MICA: variants seen among roughly 807,000 people sequenced by gnomAD.
MICA encodes the protein HLA class I antigen.
In MICA, 18 loss-of-function variants were observed where a neutral mutation model predicts 34.3. The ratio of observed to expected loss-of-function variants is 0.52; its 90% CI spans 0.36 to 0.78. The LOEUF is 0.78. Among genes scored for constraint, MICA ranks in the 30% least tolerant of loss-of-function variants. The probability of loss-of-function intolerance (pLI) is 0.00; values close to 1 mark genes in which losing one functional copy is unlikely to be tolerated. For missense variants in MICA, 333 were observed against 409.4 expected, an observed-to-expected ratio of 0.81 and a Z score of 1.61; for synonymous variants, 135 against 156.9, an observed-to-expected ratio of 0.86 and a Z score of 1.04.
chr6:31,409,385 G>A (rs1281084390), intron 1 of MICA, among the ~76,000 whole-genome samples: 1 of 150,540 alleles, frequency 6.6e-6, no homozygotes, highest in African/African-American at 2.4e-5. Flanking sequence ...ATCTCATTGT[G>A]GTTTGGATTT....
In MICA at chr6:31,403,732, G is replaced by C; in HGVS notation, c.70+30G>C. 2 of 1,524,906 alleles carry C rather than the reference G, an allele frequency of 1.3e-6. No individual in the cohort carries two copies. Among genetic ancestry groups the C allele is most frequent in the Non-Finnish European group, 1.8e-6 (2 of 1,138,830 alleles). 94.5% of individuals were successfully genotyped at this position (1,524,906 alleles called of 1,614,324 possible). A position where few individuals can be genotyped will look rare whatever the true frequency, so the allele number is the denominator to read the frequency against. The stretch of plus-strand genomic sequence containing the variant: ...GTGGCGTTCCTGGCGGTCCTCGGCG[G>C]AGCGGGAGCAGTGGGACGTTTCCGG... On this transcript the variant is annotated intron_variant, in intron 1 of 5. Coordinates refer to ENST00000449934, the MANE Select transcript of MICA (RefSeq NM_001177519.3). This position sits in a 1 kb window ranked among gnomAD's most constrained non-coding sequence, Gnocchi z 4.7.
chr6:31,413,341 A>G (rs779862075), intron 5 of MICA, among the ~76,000 whole-genome samples: 4 of 151,710 alleles, frequency 2.6e-5, no homozygotes, highest in Non-Finnish European at 5.9e-5. Context: ...CTCAGGGCCC[A>G]TGTTTTTGGG....
chr6:31,407,035 G>A (rs548593912), intron 1 of MICA, among the ~76,000 whole-genome samples: 1 of 151,644 alleles, frequency 6.6e-6, no homozygotes, highest in African/African-American at 2.4e-5. Context: ...ATCTATTCTG[G>A]TTTTTTTGTG....
intron 1 of MICA, among the ~76,000 whole-genome samples, chr6:31,405,989 G>A (rs1770727427): frequency 6.6e-6 from 1 of 151,874 alleles, no homozygotes. Context: ...ACTTTGAATA[G>A]TGCTGCAATA....
intron 1 of MICA, among the ~76,000 whole-genome samples, 189 bp from the exon 2 acceptor site, chr6:31,410,354 C>G (rs1223896817): frequency 6.6e-6 from 1 of 151,790 alleles, no homozygotes; most frequent in Non-Finnish European, 1.5e-5. Context: ...CCCCCTTCTT[C>G]TGTTCATCAG....
chr6:31,413,174 C>G (rs944554671), intron 5 of MICA, among the ~76,000 whole-genome samples: 7 of 151,934 alleles, frequency 4.6e-5, no homozygotes, highest in African/African-American at 1.7e-4. Context: ...ACGGCCTGGC[C>G]TCCCTGAGTT....
intron 2 of MICA, 115 bp from the exon 3 acceptor site, chr6:31,410,957 C>A: frequency 2.0e-6 from 3 of 1,471,092 alleles, no homozygotes; most frequent in Non-Finnish European, 2.7e-6. Flanking sequence ...GCACTCAGCC[C>A]ACACAGGGAG....
upstream of MICA, chr6:31,402,233 A>G (rs2113713633): frequency 6.6e-6 from 1 of 152,164 alleles, no homozygotes; most frequent in South Asian, 2.1e-4. Flanking sequence ...AGTTGTAAAC[A>G]CTGCACTCAG....
At chr6:31,413,393 G>T (rs986441171) in intron 5 of MICA, among the ~76,000 whole-genome samples, 2 of 151,912 alleles carry the variant, frequency 1.3e-5, no homozygotes, top group Non-Finnish European at 2.9e-5. Context: ...CCCTCCCTGA[G>T]CCAATTTCCC....
upstream of MICA, chr6:31,403,587 C>T (rs1770564235): frequency 2.1e-6 from 3 of 1,440,408 alleles, no homozygotes; most frequent in African/African-American, 1.5e-5. This position sits in a 1 kb window ranked among gnomAD's most constrained non-coding sequence, Gnocchi z 4.7. Context: ...GGCGCCTTCT[C>T]CCCGGCCACT....
In MICA at chr6:31,415,254, ATTG is replaced by A; in HGVS notation, c.*279_*281del. ...ACAGAGAAAATAAAAGCACTTATTTATTGTTGTTGGAGGCTGCAAAATGTTAGT... is the reference window on the plus strand; with the variant it reads ...ACAGAGAAAATAAAAGCACTTATTTATTGTTGGAGGCTGCAAAATGTTAGT... On this transcript the variant is annotated 3_prime_UTR_variant, in exon 6 of 6. Coordinates refer to ENST00000449934, the MANE Select transcript of MICA (RefSeq NM_001177519.3). 1.8e-6 allele frequency: 1 copy of A among 560,298 alleles called. No individual in the cohort carries two copies. The allele number at this position is 560,298 out of a possible 1,614,324, so 34.7% of individuals were successfully genotyped here.
At chr6:31,403,560 G>C, upstream of MICA, 1 of 1,283,052 alleles carries the variant, frequency 7.8e-7, no homozygotes, top group South Asian at 1.5e-5. This position sits in a 1 kb window ranked among gnomAD's most constrained non-coding sequence, Gnocchi z 4.7. Flanking sequence ...GACCGGGCCA[G>C]GTGACTAAGT....
upstream of MICA, among the ~76,000 whole-genome samples, chr6:31,402,611 A>G (rs1363968494): frequency 6.6e-6 from 1 of 151,790 alleles, no homozygotes; most frequent in Non-Finnish European, 1.5e-5. Context: ...CTAGACTAAG[A>G]TTGTGGCTGT....
At chr6:31,405,391 C>G (rs1272824101) in intron 1 of MICA, among the ~76,000 whole-genome samples, 1 of 150,968 alleles carries the variant, frequency 6.6e-6, no homozygotes, top group African/African-American at 2.5e-5. Context: ...TGGCCAGCAC[C>G]CCCACCCCTT....
chr6:31,411,208 G>A lies in MICA; in HGVS notation c.462G>A (p.Gln154=). ...AGACTGAGGAATGGACAGTGCCCCA[G>A]TCCTCCAGAGCTCAGACCTTGGCCA... ...NLETEEWTVP[Q]SSRAQTLAMN... Residue 154 remains glutamine (Q), a synonymous_variant, in exon 3 of 6, where the codon CAG becomes CAA. Coordinates refer to ENST00000449934, the MANE Select transcript of MICA (RefSeq NM_001177519.3). The surrounding 1 kb of genome is among the most constrained non-coding windows in gnomAD (Gnocchi z 4.3). 6.2e-7 allele frequency: 1 copy of A among 1,613,438 alleles called. No homozygotes were observed. The highest frequency in any genetic ancestry group is 8.5e-7 in the Non-Finnish European group (1 of 1,179,988).
At position 31,411,387 on chromosome 6, in the gene MICA, C is replaced by A; in HGVS notation, c.613+28C>A. On this transcript the variant is annotated intron_variant, in intron 3 of 5. Transcript: ENST00000449934. This position sits in a 1 kb window ranked among gnomAD's most constrained non-coding sequence, Gnocchi z 4.3. ...ACCGACGCTGGCCAGGGGCTCTCCTCTCCCTCCAATTCTGCTAGAGTTGCC... is the reference window on the plus strand; with the variant it reads ...ACCGACGCTGGCCAGGGGCTCTCCTATCCCTCCAATTCTGCTAGAGTTGCC... The A allele has an allele frequency of 6.5e-7, 1 of 1,533,740 alleles. No homozygotes were observed. The highest frequency in any genetic ancestry group is 8.8e-7 in the Non-Finnish European group (1 of 1,138,048).
chr6:31,409,597 T>C (rs1245046905), intron 1 of MICA, among the ~76,000 whole-genome samples: 2 of 132,042 alleles, frequency 1.5e-5, no homozygotes, highest in Non-Finnish European at 3.4e-5. Context: ...CTTTGATGCA[T>C]AGATGTTTTG....
At position 31,415,107 on chromosome 6, in the gene MICA, C is replaced by A. The variant is rs774210258; in HGVS notation, c.*125C>A. The A allele has an allele frequency of 1.8e-5, 21 of 1,194,360 alleles. No individual in the cohort carries two copies. The South Asian group carries it at 2.6e-4, about 15-fold the overall frequency. The allele number at this position is 1,194,360 out of a possible 1,614,324, so 74.0% of individuals were successfully genotyped here. On this transcript the variant is annotated 3_prime_UTR_variant, in exon 6 of 6. Transcript: ENST00000449934. ...CGGATTTCAGCCTCTGATGTCAGCT[C>A]TTGGGTCCACTGGCTCCACTGAGGG... is the stretch of plus-strand genomic sequence containing the variant.
intron 1 of MICA, among the ~76,000 whole-genome samples, chr6:31,405,286 T>A (rs1770689351): frequency 1.3e-5 from 2 of 151,246 alleles, no homozygotes; most frequent in Admixed American, 6.6e-5. Flanking sequence ...TTTTGCCTGC[T>A]CTTGGGGTGC....
Sources: gnomAD v4.1 joint callset for allele counts (sites outside exome capture counted in the v4.1 genomes callset) on GRCh38, gnomAD v4.1.1 for gene constraint, Gnocchi (gnomAD v3.1) non-coding constraint, MANE v1.5 for transcripts, NCBI Gene and HGNC (gene_info 2026-07-23, HGNC 2026-07-21) for gene names.